Variants in NBPF12 observed in about 807,000 individuals in gnomAD.
NBPF12 encodes NBPF member 12, also known as NBPF family member NBPF12.
Under a neutral mutation model 146.4 loss-of-function variants are expected in NBPF12, and 115 were observed. The ratio of observed to expected loss-of-function variants is 0.79; its 90% CI spans 0.68 to 0.92. The LOEUF is 0.92. Among genes scored for constraint, NBPF12 ranks in the 40% least tolerant of loss-of-function variants. The probability of loss-of-function intolerance (pLI) is 0.00; values close to 1 mark genes in which losing one functional copy is unlikely to be tolerated. For missense variants in NBPF12, 1,205 were observed against 1,326.8 expected (o/e 0.91, Z 1.43); for synonymous variants, 385 against 508.9 (o/e 0.76, Z 3.28).
rs1403563596 is a variant in NBPF12 at position 146,954,205 on chromosome 1, C to T, written c.-184+2716C>T. 8.6e-4 allele frequency among the ~76,000 whole-genome samples: 129 copies of T among 150,232 alleles called. No individual in the cohort carries two copies. The Middle Eastern group carries it at 0.017, about 20-fold the overall frequency. On this transcript the variant is annotated intron_variant, in intron 2 of 33. Transcript: ENST00000617844. ...AGGAGATGGAGACCATCACGCCTAA[C>T]ACAGTGAAACCCCATCTCTACTAAA...
chr1:146,962,041 A>G, intron 4 of NBPF12, 120 bp from the exon 8 acceptor site: 1 of 812,844 alleles, frequency 1.2e-6, no homozygotes, highest in Non-Finnish European at 2.1e-6. Context: ...ATCCCTGTCT[A>G]GACCCTGGTA....
rs1553885484 is a variant in NBPF12 at position 146,965,312 on chromosome 1, G to C, written c.778+208G>C. On this transcript the variant is annotated intron_variant, in intron 8 of 33. Coordinates refer to ENST00000617844, the Ensembl canonical transcript of NBPF12. ...TTCAGGAGTTGAAGACCAGCCTGGAGTATATGGTGAAACCCATCTTTACGA... is the reference window on the plus strand; with the variant it reads ...TTCAGGAGTTGAAGACCAGCCTGGACTATATGGTGAAACCCATCTTTACGA... Among the ~76,000 whole-genome samples, 765 of 146,194 alleles carry C rather than the reference G, an allele frequency of 5.2e-3. 5 individuals carry two copies. Among genetic ancestry groups the C allele is most frequent in the African/African-American group, 0.018 (705 of 39,038 alleles).
At position 146,949,774 on chromosome 1, in the gene NBPF12, G is replaced by A. The variant is rs1232271407; in HGVS notation, c.-326+352G>A. ...GTGGGGGACTGAGGGCCCTTTTTCT[G>A]TGCTGGCTGTCAGCAGGGAGACACT... On this transcript the variant is annotated intron_variant, in intron 1 of 33. Transcript: ENST00000617844. Among the ~76,000 whole-genome samples, 614 of 151,702 alleles carry A rather than the reference G, an allele frequency of 4.0e-3. 9 individuals are homozygous for A. Among genetic ancestry groups the A allele is most frequent in the Middle Eastern group, 0.02 (6 of 294 alleles).
At chr1:146,956,370 G>A (rs1655587997) in intron 2 of NBPF12, among the ~76,000 whole-genome samples, 1 of 151,976 alleles carries the variant, frequency 6.6e-6, no homozygotes, top group African/African-American at 2.4e-5. Context: ...AACTGCAAAG[G>A]GGTACAAGAA....
At chr1:146,953,260 GAAATCTACT>G (rs1436087748) in intron 2 of NBPF12, among the ~76,000 whole-genome samples, 2 of 136,020 alleles carry the variant, frequency 1.5e-5, no homozygotes, top group African/African-American at 5.8e-5. Flanking sequence ...TAATGGATGG[GAAATCTACT>G]AAGAAGTCAA....
At chr1:146,957,920 TATATA>T (rs1411976465) in intron 2 of NBPF12, among the ~76,000 whole-genome samples, 1 of 120,982 alleles carries the variant, frequency 8.3e-6, no homozygotes, top group Non-Finnish European at 1.8e-5. Flanking sequence ...TATATACACG[TATATA>T]ATATATATTC....
chr1:146,962,081 C>T lies in NBPF12; in HGVS notation c.176-80C>T, dbSNP rs1655885818. 10 of 1,307,490 alleles carry T rather than the reference C, an allele frequency of 7.6e-6. No individual in the cohort carries two copies. The Admixed American group carries it at 1.5e-4, about 20-fold the overall frequency. 81.0% of individuals were successfully genotyped at this position (1,307,490 alleles called of 1,614,324 possible). A position where few individuals can be genotyped will look rare whatever the true frequency, so the allele number is the denominator to read the frequency against. On this transcript the variant is annotated intron_variant, in intron 4 of 33. Coordinates refer to ENST00000617844, the Ensembl canonical transcript of NBPF12. ...GGAGAGTTTTGTCCTTGGGATGGAC[C>T]TGGCTCCTGCCCTGTAGGCAGTGAC...
chr1:146,955,019 C>CAA (rs1655521578), intron 2 of NBPF12, among the ~76,000 whole-genome samples: 1 of 103,622 alleles, frequency 9.7e-6, no homozygotes, highest in Non-Finnish European at 1.9e-5. Flanking sequence ...TATATACACA[C>CAA]ACACACACAT....
Position 146,962,301 on chromosome 1 carries a change from G to A in NBPF12, c.278+38G>A. ...CATGGGGGGAGGCAGGCGGGTAGGTGTGTAGATCTCTGAAGTACAGCAGCT... is the reference window on the plus strand; with the variant it reads ...CATGGGGGGAGGCAGGCGGGTAGGTATGTAGATCTCTGAAGTACAGCAGCT... On this transcript the variant is annotated intron_variant, in intron 5 of 33. Coordinates refer to ENST00000617844, the Ensembl canonical transcript of NBPF12. 3.2e-6 allele frequency: 5 copies of A among 1,539,764 alleles called. No individual in the cohort carries two copies. The African/African-American group carries it at 5.5e-5, about 17-fold the overall frequency.
chr1:146,971,689 C>G (rs1656623708), intron 13 of NBPF12, among the ~76,000 whole-genome samples: 2 of 150,350 alleles, frequency 1.3e-5, no homozygotes, highest in Admixed American at 1.3e-4. Flanking sequence ...GCTCAGGAGA[C>G]TTAGGTGGGA....
At position 146,939,984 on chromosome 1, in the gene NBPF12, A is replaced by T. The variant is rs1239445299; in HGVS notation, c.-822+1002A>T. ...TGGGTGACAGAGCGAGACTCCCTCT[A>T]AAAAAAAAAAAAAGCCTTTTCTTGC... On this transcript the variant is annotated intron_variant, in intron 1 of 35. Transcript: ENST00000617931. 1.9e-3 allele frequency among the ~76,000 whole-genome samples: 3 copies of T among 1,586 alleles called. No individual in the cohort carries two copies. In the South Asian group the frequency reaches 0.15, roughly 79 times the overall value. 1.0% of individuals were successfully genotyped at this position (1,586 alleles called of 152,430 possible).
chr1:146,957,930 ATATT>A lies in NBPF12; in HGVS notation c.-183-1928_-183-1925del, dbSNP rs1328586044. The stretch of plus-strand genomic sequence containing the variant: ...GTATGTATATACACGTATATAATAT[ATATT>A]CGTGTGTGTATATATATTTTATATA... On this transcript the variant is annotated intron_variant, in intron 2 of 33. Coordinates refer to ENST00000617844, the Ensembl canonical transcript of NBPF12. Among the ~76,000 whole-genome samples the A allele has an allele frequency of 2.1e-4, 26 of 121,966 alleles. 1 individual carries two copies. The highest frequency in any genetic ancestry group is 5.9e-4 in the African/African-American group (21 of 35,668). 80.0% of individuals were successfully genotyped at this position (121,966 alleles called of 152,430 possible).
At chr1:146,994,657 C>T (rs1553890179) in exon 34 of NBPF12, 36 of 1,572,212 alleles carry the variant, frequency 2.3e-5, no homozygotes, top group Non-Finnish European at 2.9e-5. Context: ...ACTATAGTTC[C>T]ATTTGGAAGC....
chr1:146,964,497 C>T, intron 7 of NBPF12, 68 bp downstream of exon 10: 3 of 1,590,654 alleles, frequency 1.9e-6, no homozygotes, highest in Non-Finnish European at 2.6e-6. Flanking sequence ...GGCACACCCT[C>T]TCTGGCATCT....
exon 34 of NBPF12, chr1:146,994,925 C>G (rs1425454549): frequency 3.1e-5 from 12 of 381,252 alleles, no homozygotes; most frequent in Non-Finnish European, 5.9e-5. Context: ...TCAGTGTCAT[C>G]TTTGTGTTTA....
upstream of NBPF12, among the ~76,000 whole-genome samples, chr1:146,945,512 A>T (rs1655012210): frequency 6.6e-6 from 1 of 151,818 alleles, no homozygotes; most frequent in African/African-American, 2.4e-5. Flanking sequence ...AGGCGTTGAA[A>T]TCTCCAACTG....
chr1:146,981,466 T>A (rs1438002429), intron 19 of NBPF12, among the ~76,000 whole-genome samples: 2 of 151,400 alleles, frequency 1.3e-5, no homozygotes, highest in African/African-American at 4.9e-5. Context: ...ATCCGACCTT[T>A]CTCTCTGGCT....
chr1:146,972,694 G>T (rs1656733715), intron 13 of NBPF12, 57 bp from the exon 17 acceptor site: 3 of 1,331,766 alleles, frequency 2.3e-6, no homozygotes, highest in Non-Finnish European at 3.2e-6. Context: ...TCCTGATTAA[G>T]CCTATTTCAT....
At chr1:146,939,057 G>GGCC (rs1399986690) in intron 1 of NBPF12, 45 bp downstream of exon 1, 1 of 152,212 alleles carries the variant, frequency 6.6e-6, no homozygotes, top group African/African-American at 2.4e-5. Context: ...GAGGCGCGGC[G>GGCC]CGCTGGGCCG....
Sources: gnomAD v4.1 joint callset for allele counts (sites outside exome capture counted in the v4.1 genomes callset) on GRCh38, gnomAD v4.1.1 for gene constraint, MANE v1.5 for transcripts, NCBI Gene and HGNC (gene_info 2026-07-23, HGNC 2026-07-21) for gene names.